IGSF5: variants seen among roughly 807,000 people sequenced by gnomAD.
IGSF5 encodes immunoglobulin superfamily 5 like.
In IGSF5, 41 loss-of-function variants were observed where a neutral mutation model predicts 39.4. That is an observed-to-expected ratio of 1.04 (90% CI 0.81 to 1.35). IGSF5 has a LOEUF of 1.35. Among genes scored for constraint, IGSF5 ranks in the 40% most tolerant of loss-of-function variants. The pLI is 0.00. For missense variants in IGSF5, 487 were observed against 494.6 expected, an observed-to-expected ratio of 0.98 and a Z score of 0.15; for synonymous variants, 183 against 175.3, an observed-to-expected ratio of 1.04 and a Z score of -0.34.
At chr21:39,762,102 T>G (rs1161959673) in intron 2 of IGSF5, among the ~76,000 whole-genome samples, 1 of 152,162 alleles carries the variant, frequency 6.6e-6, no homozygotes. Flanking sequence ...TAAATAAGAA[T>G]CTTCCAAGTG....
chr21:39,763,201 A>T (rs1156832621), intron 2 of IGSF5, among the ~76,000 whole-genome samples: 1 of 152,130 alleles, frequency 6.6e-6, no homozygotes, highest in Non-Finnish European at 1.5e-5. Flanking sequence ...TCTAGCAAGG[A>T]CATTAACTGT....
intron 2 of IGSF5, among the ~76,000 whole-genome samples, chr21:39,762,343 A>C (rs1000853106): frequency 1.3e-5 from 2 of 152,202 alleles, no homozygotes; most frequent in African/African-American, 4.8e-5. Context: ...TGAGACATCA[A>C]TCAAATACAT....
intron 4 of IGSF5, among the ~76,000 whole-genome samples, chr21:39,778,177 A>G (rs1031831694): frequency 1.3e-5 from 2 of 152,208 alleles, no homozygotes. Flanking sequence ...ACATCAATGT[A>G]GTTCCCATAC....
chr21:39,734,408 G>A, the IGSF5 span, among the ~76,000 whole-genome samples: 4 of 131,922 alleles, frequency 3.0e-5, no homozygotes, highest in African/African-American at 1.2e-4. Context: ...GGGTGACAGA[G>A]CAAGACTCTG....
At position 39,771,036 on chromosome 21, in the gene IGSF5, T is replaced by G. The variant is rs1202313885; in HGVS notation, c.539T>G (p.Leu180Arg). Reference protein sequence around the residue: ...RLPDISWELGLLVSHSSYYFV... With the variant: ...RLPDISWELGRLVSHSSYYFV... ...CCGGATATTTCCTGGGAGCTCGGTC[T>G]CCTGGTCAGCCATTCAAGCTATTAT... The change falls in exon 4 of 9, where the codon CTC (leucine) becomes CGC (arginine). Residue 180 changes from leucine to arginine, a missense_variant. By Grantham distance (102) the Leu-to-Arg change is moderately radical. Coordinates refer to ENST00000380588, the MANE Select transcript of IGSF5 (RefSeq NM_001080444.2). 5.6e-6 allele frequency: 9 copies of G among 1,613,738 alleles called. No homozygotes were observed. The East Asian group carries it at 1.8e-4, about 32-fold the overall frequency.
At chr21:39,729,377 A>C in the IGSF5 span, 3 of 152,216 alleles carry the variant, frequency 2.0e-5, no homozygotes, top group East Asian at 5.8e-4. Context: ...TGAGGGGAGG[A>C]GCTGGGAAAT....
At position 39,765,585 on chromosome 21, in the gene IGSF5, C is replaced by A. The variant is rs756788419; in HGVS notation, c.151C>A (p.Leu51Met). ...AGAAGGCCCCCAAAATGCAAGAGTC[C>A]TGAAGGGCTCCCAGGCTCGCTTCAA... The part of the protein sequence containing the change: ...VIEGPQNARV[L>M]KGSQARFNCT... The change falls in exon 3 of 9, where the codon CTG becomes ATG. Residue 51 changes from leucine to methionine, a missense_variant. Transcript: ENST00000380588. The A allele has an allele frequency of 1.9e-6, 3 of 1,614,058 alleles. No homozygotes were observed. In the Admixed American group the frequency reaches 5.0e-5, roughly 27 times the overall value.
intron 8 of IGSF5, among the ~76,000 whole-genome samples, chr21:39,799,220 C>G (rs1569261631): frequency 1.3e-5 from 2 of 152,216 alleles, no homozygotes; most frequent in African/African-American, 4.8e-5. Context: ...CTTGCCACCA[C>G]CTGGCAGAAA....
chr21:39,755,586 CAAAAAA>C (rs11331220), intron 2 of IGSF5, among the ~76,000 whole-genome samples: 1 of 133,988 alleles, frequency 7.5e-6, no homozygotes. Flanking sequence ...GACTCCATCT[CAAAAAA>C]AAAAAAAAAA....
At chr21:39,761,301 C>A (rs2080060527) in intron 2 of IGSF5, among the ~76,000 whole-genome samples, 2 of 152,132 alleles carry the variant, frequency 1.3e-5, no homozygotes, top group Admixed American at 1.3e-4. Context: ...TATGAAAATC[C>A]TAGAAGAAAA....
rs2079968849 is a variant in IGSF5, at chr21:39,745,403, C to G, written c.-107C>G. 4 of 658,954 alleles carry G rather than the reference C, an allele frequency of 6.1e-6. No individual in the cohort carries two copies. In the East Asian group the frequency reaches 1.1e-4, roughly 18 times the overall value. The allele number at this position is 658,954 out of a possible 1,614,324, so 40.8% of individuals were successfully genotyped here. On this transcript the variant is annotated 5_prime_UTR_variant, in exon 1 of 9. Transcript: ENST00000380588. ...ACAACCTGCTAGAGGAAATGAAAGT[C>G]TGAACCATTAGTACCTAGGAGGCAG...
intron 4 of IGSF5, among the ~76,000 whole-genome samples, chr21:39,774,488 GT>G (rs1461200401): frequency 6.6e-6 from 1 of 152,240 alleles, no homozygotes; most frequent in African/African-American, 2.4e-5. Context: ...GTACTTCCTG[GT>G]TTATAGTTCA....
chr21:39,763,084 G>A lies in IGSF5; in HGVS notation c.101-2451G>A, dbSNP rs576725062. On this transcript the variant is annotated intron_variant, in intron 2 of 8. Transcript: ENST00000380588. Reference sequence around the variant, plus strand: ...TTCTGTACAGGGGAAGGTTACTGCTGATAAGACACAGCTGAGAGAGGGACG... The same window carrying A: ...TTCTGTACAGGGGAAGGTTACTGCTAATAAGACACAGCTGAGAGAGGGACG... Among the ~76,000 whole-genome samples the A allele has an allele frequency of 3.9e-5, 6 of 152,294 alleles. No homozygotes were observed. In the South Asian group the frequency reaches 1.2e-3, roughly 32 times the overall value.
At chr21:39,798,760 C>A (rs935501700) in intron 8 of IGSF5, among the ~76,000 whole-genome samples, 6 of 152,174 alleles carry the variant, frequency 3.9e-5, no homozygotes, top group African/African-American at 1.4e-4. Context: ...TAACTCCTGC[C>A]CCTTTGGCAT....
chr21:39,768,708 A>C (rs1233893348), intron 3 of IGSF5, among the ~76,000 whole-genome samples: 1 of 152,218 alleles, frequency 6.6e-6, no homozygotes, highest in Non-Finnish European at 1.5e-5. Flanking sequence ...AACCCTTTAG[A>C]CTCAAGGGAC....
intron 2 of IGSF5, among the ~76,000 whole-genome samples, chr21:39,756,073 A>T (rs1477740328): frequency 6.6e-6 from 1 of 150,940 alleles, no homozygotes. Context: ...CCTGGGCAAC[A>T]GAGCGGGACT....
intron 3 of IGSF5, among the ~76,000 whole-genome samples, chr21:39,767,386 A>AGAGT (rs755024156): frequency 1.3e-5 from 2 of 152,156 alleles, no homozygotes; most frequent in Non-Finnish European, 2.9e-5. Context: ...GTTGGGAGCC[A>AGAGT]GAGTGGTCTA....
chr21:39,768,588 G>A (rs1466993374), intron 3 of IGSF5, among the ~76,000 whole-genome samples: 2 of 152,180 alleles, frequency 1.3e-5, no homozygotes, highest in Non-Finnish European at 2.9e-5. Flanking sequence ...CTTATGTTTT[G>A]AGGGCTGCAA....
chr21:39,745,115 G>A (rs908612368), upstream of IGSF5, among the ~76,000 whole-genome samples: 14 of 150,234 alleles, frequency 9.3e-5, no homozygotes, highest in African/African-American at 1.2e-4. Context: ...CTTGGAATCC[G>A]TGAGGCCAAG....
Sources: gnomAD v4.1 joint callset for allele counts (sites outside exome capture counted in the v4.1 genomes callset) on GRCh38, gnomAD v4.1.1 for gene constraint, MANE v1.5 for transcripts, NCBI Gene and HGNC (gene_info 2026-07-23, HGNC 2026-07-21) for gene names.